Variants in SNTB2 observed in about 807,000 individuals in gnomAD.
SNTB2 encodes beta-2-syntrophin.
Under a neutral mutation model 46.2 loss-of-function variants are expected in SNTB2, and 34 were observed. The ratio of observed to expected loss-of-function variants is 0.74; its 90% confidence interval spans 0.56 to 0.98. The LOEUF is 0.98. Ranked by LOEUF, SNTB2 falls within the 50% of genes least tolerant of loss-of-function variation. SNTB2 has a pLI of 0.00. For missense variants in SNTB2, 603 were observed against 731.4 expected (o/e 0.82, Z 2.02); for synonymous variants, 290 against 312.6 (o/e 0.93, Z 0.76).
chr16:69,200,059 T>C (rs1215463171), intron 1 of SNTB2, among the ~76,000 whole-genome samples: 5 of 152,204 alleles, frequency 3.3e-5, no homozygotes, highest in Non-Finnish European at 7.4e-5. Context: ...GGACTACAGA[T>C]GCGTGCCACC....
chr16:69,248,967 A>G (rs1010158652), intron 2 of SNTB2, among the ~76,000 whole-genome samples: 22 of 151,660 alleles, frequency 1.5e-4, no homozygotes, highest in African/African-American at 5.1e-4. Context: ...ACATTTGTCA[A>G]CTAGCTGTCA....
At chr16:69,270,608 A>C (rs1964928668) in intron 4 of SNTB2, among the ~76,000 whole-genome samples, 1 of 152,252 alleles carries the variant, frequency 6.6e-6, no homozygotes, top group South Asian at 2.1e-4. Context: ...TGTGACTAGA[A>C]AACCACTGAA....
chr16:69,216,742 T>G (rs1964351270), intron 1 of SNTB2, among the ~76,000 whole-genome samples: 1 of 151,386 alleles, frequency 6.6e-6, no homozygotes, highest in South Asian at 2.1e-4. Flanking sequence ...GGATGTAAGC[T>G]CTGAAGGGAT....
chr16:69,274,652 CAAA>C (rs758148568), intron 4 of SNTB2, among the ~76,000 whole-genome samples: 10 of 66,736 alleles, frequency 1.5e-4, no homozygotes, highest in Admixed American at 3.4e-4. Context: ...GACTCCATCT[CAAA>C]AAAAAAAAAA....
At chr16:69,287,656 C>T (rs895019134) in intron 5 of SNTB2, among the ~76,000 whole-genome samples, 3 of 151,982 alleles carry the variant, frequency 2.0e-5, no homozygotes, top group African/African-American at 2.4e-5. Flanking sequence ...GAGGCCAGAT[C>T]GAGACCAGCC....
intron 1 of SNTB2, 75 bp downstream of exon 1, chr16:69,187,821 C>A: frequency 8.2e-7 from 1 of 1,220,770 alleles, no homozygotes; most frequent in Non-Finnish European, 1.1e-6. Flanking sequence ...GTTCCTGCCC[C>A]GCCGGCGGGG....
At chr16:69,292,413 A>T (rs1304269467) in intron 5 of SNTB2, among the ~76,000 whole-genome samples, 1 of 23,030 alleles carries the variant, frequency 4.3e-5, no homozygotes, top group Non-Finnish European at 6.8e-5. Flanking sequence ...TATATTATAT[A>T]TATATTATAT....
chr16:69,240,732 A>G (rs1160020953), intron 1 of SNTB2: 1 of 152,250 alleles, frequency 6.6e-6, no homozygotes, highest in Non-Finnish European at 1.5e-5. Context: ...CATAACGATT[A>G]TATGAGAAGT....
intron 4 of SNTB2, among the ~76,000 whole-genome samples, chr16:69,275,732 T>C (rs567201680): frequency 6.6e-6 from 1 of 152,350 alleles, no homozygotes; most frequent in South Asian, 2.1e-4. Context: ...CCTAATTCTA[T>C]TGTTAATACT....
At chr16:69,270,377 TA>T (rs1964926385) in intron 4 of SNTB2, 92 bp downstream of exon 4, 2 of 1,481,736 alleles carry the variant, frequency 1.3e-6, no homozygotes, top group Middle Eastern at 1.8e-4. Context: ...CTTAGGTGCC[TA>T]AAAGAGCATT....
At chr16:69,252,450 C>T (rs1301095717) in intron 2 of SNTB2, among the ~76,000 whole-genome samples, 1 of 152,160 alleles carries the variant, frequency 6.6e-6, no homozygotes, top group Non-Finnish European at 1.5e-5. Context: ...TTAGGAAGAA[C>T]AAGGTGTTCT....
intron 5 of SNTB2, 82 bp downstream of exon 5, chr16:69,284,326 C>G (rs1965079153): frequency 2.5e-6 from 3 of 1,207,590 alleles, no homozygotes; most frequent in Admixed American, 2.7e-5. Flanking sequence ...ACATTTCAGT[C>G]AGTGATGGAT....
In SNTB2 at chr16:69,300,955, G is replaced by A. The variant is rs746811552; in HGVS notation, c.*31G>A. The stretch of plus-strand genomic sequence containing the variant: ...AAAAAATCAGAAAAGAGCCTTGACT[G>A]TCACAAGAAATATTTCCACCTCAAA... On this transcript the variant is annotated 3_prime_UTR_variant, in exon 7 of 7. Coordinates refer to ENST00000336278, the MANE Select transcript of SNTB2 (RefSeq NM_006750.4). 6 of 1,337,794 alleles carry A rather than the reference G, an allele frequency of 4.5e-6. No individual in the cohort carries two copies. The Admixed American group carries it at 9.1e-5, about 20-fold the overall frequency. The allele number at this position is 1,337,794 out of a possible 1,614,324, so 82.9% of individuals were successfully genotyped here.
At chr16:69,196,376 CTTT>C (rs533787609) in intron 1 of SNTB2, among the ~76,000 whole-genome samples, 3 of 134,612 alleles carry the variant, frequency 2.2e-5, no homozygotes, top group Non-Finnish European at 3.2e-5. Flanking sequence ...TTTTCTTTTT[CTTT>C]TTTTTTTTTT....
intron 4 of SNTB2, among the ~76,000 whole-genome samples, chr16:69,273,664 C>G (rs1964959974): frequency 6.6e-6 from 1 of 152,024 alleles, no homozygotes; most frequent in Non-Finnish European, 1.5e-5. Context: ...TACTAAAGAC[C>G]ACTGTACTTC....
At chr16:69,228,263 T>C (rs1054921894) in intron 1 of SNTB2, among the ~76,000 whole-genome samples, 2 of 152,026 alleles carry the variant, frequency 1.3e-5, no homozygotes, top group African/African-American at 2.4e-5. Context: ...CCCAGCACTT[T>C]GGGAGGCTGA....
In SNTB2 at chr16:69,245,631, A is replaced by G. The variant is rs1964663101; in HGVS notation, c.610A>G (p.Ile204Val). 6.2e-7 allele frequency: 1 copy of G among 1,613,954 alleles called. No individual in the cohort carries two copies. The highest frequency in any genetic ancestry group is 1.3e-5 in the African/African-American group (1 of 74,904). Residue 204 changes from isoleucine (I) to valine (V), a missense_variant, in exon 2 of 7, where the codon ATC (isoleucine) becomes GTC (valine). Coordinates refer to ENST00000336278, the MANE Select transcript of SNTB2 (RefSeq NM_006750.4). Reference protein sequence around the residue: ...VKFIREVTPYIKKPSLVSDLP... With the variant: ...VKFIREVTPYVKKPSLVSDLP... ...GTTCATCCGAGAAGTAACACCATATATCAAGAAGCCATCATTAGTATCAGA... is the reference window on the plus strand; with the variant it reads ...GTTCATCCGAGAAGTAACACCATATGTCAAGAAGCCATCATTAGTATCAGA...
intron 1 of SNTB2, among the ~76,000 whole-genome samples, chr16:69,242,888 G>C (rs1964632229): frequency 6.6e-6 from 1 of 152,114 alleles, no homozygotes; most frequent in African/African-American, 2.4e-5. Context: ...GGGCGTGGTG[G>C]CGGGCGCCTG....
chr16:69,188,477 T>A (rs1964017219), intron 1 of SNTB2, among the ~76,000 whole-genome samples: 1 of 152,210 alleles, frequency 6.6e-6, no homozygotes, highest in Non-Finnish European at 1.5e-5. Flanking sequence ...AATCACAAGA[T>A]AGGTTTCAAT....
Sources: gnomAD v4.1 joint callset for allele counts (sites outside exome capture counted in the v4.1 genomes callset) on GRCh38, gnomAD v4.1.1 for gene constraint, MANE v1.5 for transcripts, NCBI Gene and HGNC (gene_info 2026-07-23, HGNC 2026-07-21) for gene names.